Variants in CEP112 observed in about 807,000 individuals in gnomAD.
CEP112 encodes the protein centrosomal protein of 112 kDa.
CEP112 carries 127 observed loss-of-function variants against 153.0 expected under a neutral mutation model. The ratio of observed to expected loss-of-function variants is 0.83; its 90% CI spans 0.72 to 0.96. The LOEUF is 0.96. Ranked by LOEUF, CEP112 falls within the 40% of genes least tolerant of loss-of-function variation. The pLI is 0.00. For missense variants in CEP112, 1,089 were observed against 1,101.2 expected (o/e 0.99, Z 0.16); for synonymous variants, 358 against 374.4 (o/e 0.96, Z 0.51).
chr17:66,161,897 T>TAA (rs35268651), intron 4 of CEP112, among the ~76,000 whole-genome samples: 6,634 of 149,432 alleles, frequency 0.044, 158 homozygotes, highest in Middle Eastern at 0.068. Flanking sequence ...CATTACACTG[T>TAA]AAAAAAAAAA....
At chr17:65,737,838 G>A (rs2050891664) in intron 23 of CEP112, among the ~76,000 whole-genome samples, 1 of 152,174 alleles carries the variant, frequency 6.6e-6, no homozygotes, top group Admixed American at 6.5e-5. Flanking sequence ...AAACTTACAT[G>A]AGAAAGAAAG....
At chr17:65,785,695 T>G (rs1202306171) in intron 21 of CEP112, among the ~76,000 whole-genome samples, 1 of 152,210 alleles carries the variant, frequency 6.6e-6, no homozygotes, top group East Asian at 1.9e-4. Context: ...ATTCTTTGCC[T>G]AATCCTGAAA....
At chr17:66,141,757 C>T (rs1296911204) in intron 4 of CEP112, among the ~76,000 whole-genome samples, 1 of 152,070 alleles carries the variant, frequency 6.6e-6, no homozygotes, top group East Asian at 1.9e-4. Flanking sequence ...TATGTATATA[C>T]CATATTTTGT....
chr17:65,671,256 C>T (rs569392734), intron 24 of CEP112, among the ~76,000 whole-genome samples: 5 of 152,304 alleles, frequency 3.3e-5, no homozygotes, highest in African/African-American at 1.2e-4. Context: ...GCCCTGACTA[C>T]ACTTTAAGAG....
intron 6 of CEP112, among the ~76,000 whole-genome samples, chr17:66,125,083 A>G (rs1255671477): frequency 1.3e-5 from 2 of 152,232 alleles, no homozygotes; most frequent in East Asian, 1.9e-4. Flanking sequence ...TGTTAAGAAA[A>G]TAAGTGCTGA....
chr17:65,708,837 G>C (rs555772461), intron 23 of CEP112, among the ~76,000 whole-genome samples: 1 of 152,178 alleles, frequency 6.6e-6, no homozygotes. Flanking sequence ...CTTCCTGTTT[G>C]TCTTTGACCC....
At chr17:65,672,656 G>T (rs367555244) in intron 24 of CEP112, among the ~76,000 whole-genome samples, 17 of 152,222 alleles carry the variant, frequency 1.1e-4, no homozygotes, top group African/African-American at 4.1e-4. Flanking sequence ...CTTGCTTAAC[G>T]TTCCATAGCA....
chr17:66,142,555 T>C lies in CEP112; in HGVS notation c.471-9792A>G, dbSNP rs575351379. On this transcript the variant is annotated intron_variant, in intron 4 of 26. Coordinates refer to ENST00000535342, the MANE Select transcript of CEP112 (RefSeq NM_001199165.4). ...GGTGCAAGATAAGGGCCAAATTTTCTTTTTATGCTTGTGGACTTCCGGTTT... is the reference window on the plus strand; with the variant it reads ...GGTGCAAGATAAGGGCCAAATTTTCCTTTTATGCTTGTGGACTTCCGGTTT... Among the ~76,000 whole-genome samples the C allele has an allele frequency of 2.0e-5, 3 of 152,328 alleles. No homozygotes were observed. In the East Asian group the frequency reaches 5.8e-4, roughly 29 times the overall value.
At position 65,871,336 on chromosome 17, in the gene CEP112, C is replaced by T. The variant is rs1373803340; in HGVS notation, c.2164-19302G>A. On this transcript the variant is annotated intron_variant, in intron 20 of 26. Transcript: ENST00000535342. ...GGTGCACTGTGTTCACTCTGTGCAA[C>T]TACTACTTTAAATACATGCAGGCCG... Among the ~76,000 whole-genome samples, 7 of 152,118 alleles carry T rather than the reference C, an allele frequency of 4.6e-5. No homozygotes were observed. The East Asian group carries it at 1.3e-3, about 29-fold the overall frequency.
In CEP112 at chr17:65,711,352, C is replaced by A. The variant is rs546856935; in HGVS notation, c.2608-22134G>T. 5.3e-4 allele frequency among the ~76,000 whole-genome samples: 81 copies of A among 152,254 alleles called. 1 individual carries two copies. The South Asian group carries it at 0.016, about 31-fold the overall frequency. ...CTTTGGGCAAGTTATTTACATTTTT[C>A]TGGGCCTCAGTTTACTCATTTGTAA... On this transcript the variant is annotated intron_variant, in intron 23 of 26. Transcript: ENST00000535342.
chr17:65,681,309 CTCT>C (rs2047511702), intron 24 of CEP112, among the ~76,000 whole-genome samples: 1 of 152,046 alleles, frequency 6.6e-6, no homozygotes, highest in Non-Finnish European at 1.5e-5. Flanking sequence ...TTGCATCCTC[CTCT>C]ATCTTCTCTG....
At chr17:66,141,693 T>G (rs185298538) in intron 4 of CEP112, among the ~76,000 whole-genome samples, 100 of 152,292 alleles carry the variant, frequency 6.6e-4, no homozygotes, top group African/African-American at 2.2e-3. Flanking sequence ...GCTTCATCTA[T>G]CTTGTCACAT....
At chr17:66,135,988 ACAATACATAGAC>A (rs1228928464) in intron 4 of CEP112, among the ~76,000 whole-genome samples, 2 of 152,140 alleles carry the variant, frequency 1.3e-5, no homozygotes, top group Non-Finnish European at 2.9e-5. Context: ...AAATTCAACA[ACAATACATAGAC>A]CAAAATTTCC....
At chr17:65,923,774 T>C (rs2060817816) in intron 19 of CEP112, among the ~76,000 whole-genome samples, 1 of 152,154 alleles carries the variant, frequency 6.6e-6, no homozygotes, top group Admixed American at 6.6e-5. Context: ...TCTTACAGAA[T>C]TTTTTCACTG....
intron 23 of CEP112, among the ~76,000 whole-genome samples, chr17:65,723,395 T>A (rs1021871755): frequency 6.6e-6 from 1 of 152,364 alleles, no homozygotes; most frequent in South Asian, 2.1e-4. Context: ...AATTAGTTTT[T>A]TAGGCAGCAA....
intron 21 of CEP112, among the ~76,000 whole-genome samples, chr17:65,820,247 C>A (rs1234870623): frequency 6.6e-6 from 1 of 152,000 alleles, no homozygotes; most frequent in African/African-American, 2.4e-5. Context: ...TTCTTCATAT[C>A]TAGTGCCAAT....
chr17:65,697,836 A>AT (rs536398222), intron 23 of CEP112, among the ~76,000 whole-genome samples: 1 of 152,218 alleles, frequency 6.6e-6, no homozygotes, highest in Non-Finnish European at 1.5e-5. Context: ...ATAACAAACC[A>AT]TAAAAAAAGT....
At chr17:65,679,987 G>A (rs1487952855) in intron 24 of CEP112, among the ~76,000 whole-genome samples, 1 of 152,212 alleles carries the variant, frequency 6.6e-6, no homozygotes, top group Admixed American at 6.5e-5. Context: ...ACCTAGGAAG[G>A]AATCAGCAGA....
At chr17:66,007,641 T>TG (rs1448459598) in intron 16 of CEP112, among the ~76,000 whole-genome samples, 2 of 152,156 alleles carry the variant, frequency 1.3e-5, no homozygotes, top group African/African-American at 4.8e-5. Flanking sequence ...AAACATGTTT[T>TG]TACATCAGTA....
Sources: allele counts gnomAD v4.1 joint callset (sites outside exome capture counted in the v4.1 genomes callset), GRCh38; gene constraint gnomAD v4.1.1; transcripts MANE v1.5; gene names NCBI Gene and HGNC (gene_info 2026-07-23, HGNC 2026-07-21).